Variants in KCNJ6 observed in about 807,000 individuals in gnomAD.
KCNJ6 encodes G protein-activated inward rectifier potassium channel 2.
A neutral mutation model predicts 34.2 loss-of-function variants in KCNJ6; 9 were observed. That is an observed-to-expected ratio of 0.26 (90% CI 0.16 to 0.46). The LOEUF is 0.46. Among genes scored for constraint, KCNJ6 ranks in the 20% least tolerant of loss-of-function variants. The probability of loss-of-function intolerance (pLI) is 1.00; values close to 1 mark genes in which losing one functional copy is unlikely to be tolerated. For missense variants in KCNJ6, 236 were observed against 531.3 expected (o/e 0.44, Z 5.46); for synonymous variants, 196 against 207.1 (o/e 0.95, Z 0.46).
At chr21:37,819,295 GTTGT>G (rs1483191009) in intron 2 of KCNJ6, among the ~76,000 whole-genome samples, 2 of 152,112 alleles carry the variant, frequency 1.3e-5, no homozygotes, top group Non-Finnish European at 2.9e-5. Context: ...ATTGTGCTAA[GTTGT>G]TTGTCATTTT....
At chr21:37,737,547 T>G (rs1161681582) in intron 2 of KCNJ6, among the ~76,000 whole-genome samples, 1 of 152,250 alleles carries the variant, frequency 6.6e-6, no homozygotes, top group Non-Finnish European at 1.5e-5. Flanking sequence ...TAGGCAGCTC[T>G]GATCATAATT....
chr21:37,762,516 T>A (rs1403311894), intron 2 of KCNJ6, among the ~76,000 whole-genome samples: 1 of 152,222 alleles, frequency 6.6e-6, no homozygotes, highest in African/African-American at 2.4e-5. Context: ...TGGAACTGCC[T>A]GCCAAGTTTG....
chr21:37,849,625 T>A (rs980057020), intron 1 of KCNJ6, among the ~76,000 whole-genome samples: 1 of 152,170 alleles, frequency 6.6e-6, no homozygotes, highest in Non-Finnish European at 1.5e-5. Flanking sequence ...TCCAGGCCCA[T>A]TGCTCATCAC....
intron 2 of KCNJ6, among the ~76,000 whole-genome samples, chr21:37,761,427 TGTG>T (rs2123495235): frequency 6.6e-6 from 1 of 150,594 alleles, no homozygotes; most frequent in Admixed American, 6.6e-5. Context: ...GTGTGTGTGT[TGTG>T]TTGTGTGTGT....
intron 1 of KCNJ6, among the ~76,000 whole-genome samples, chr21:37,893,873 A>G (rs1022149978): frequency 4.6e-5 from 7 of 152,338 alleles, no homozygotes; most frequent in African/African-American, 1.7e-4. Flanking sequence ...GAGAGATGCT[A>G]TAGACAGATA....
intron 2 of KCNJ6, among the ~76,000 whole-genome samples, chr21:37,725,693 A>G (rs867012127): frequency 1.3e-5 from 2 of 152,248 alleles, no homozygotes; most frequent in South Asian, 2.1e-4. Context: ...ACAAATATTC[A>G]TAAATTGTAT....
At chr21:37,881,988 A>AG (rs967205550) in intron 1 of KCNJ6, among the ~76,000 whole-genome samples, 3 of 152,268 alleles carry the variant, frequency 2.0e-5, no homozygotes, top group South Asian at 2.1e-4. Flanking sequence ...TAAACATTAT[A>AG]GGGCTTCTGT....
At chr21:37,860,075 A>T (rs564209799) in intron 1 of KCNJ6, among the ~76,000 whole-genome samples, 1 of 152,214 alleles carries the variant, frequency 6.6e-6, no homozygotes, top group Non-Finnish European at 1.5e-5. Flanking sequence ...CTGCAGGTGG[A>T]CAGGTCACCC....
intron 3 of KCNJ6, among the ~76,000 whole-genome samples, chr21:37,690,621 C>T (rs2054635172): frequency 3.9e-5 from 1 of 25,480 alleles, no homozygotes; most frequent in Non-Finnish European, 7.0e-5. Context: ...AACCATGACA[C>T]CTGGCTCAGT....
chr21:37,773,064 T>A (rs944837856), intron 2 of KCNJ6, among the ~76,000 whole-genome samples: 20 of 152,208 alleles, frequency 1.3e-4, no homozygotes, highest in African/African-American at 3.9e-4. Context: ...TCCAGGGCCT[T>A]CAGGGTGTCT....
intron 2 of KCNJ6, among the ~76,000 whole-genome samples, chr21:37,836,740 G>A (rs931304852): frequency 6.6e-6 from 1 of 152,098 alleles, no homozygotes; most frequent in African/African-American, 2.4e-5. Flanking sequence ...GGCCTGTCAG[G>A]GGTTGGGGGG....
rs995213100 is a variant in KCNJ6 at position 37,617,349 on chromosome 21, G to T, written c.*7810C>A. The T allele has an allele frequency of 6.6e-6, 1 of 152,036 alleles. No homozygotes were observed. Among genetic ancestry groups the T allele is most frequent in the Non-Finnish European group, 1.5e-5 (1 of 68,102 alleles). The allele number at this position is 152,036 out of a possible 1,614,324, so 9.4% of individuals were successfully genotyped here. ...TTCTTGTGCCTCAGCCTCCAGAGTA[G>T]CTGGGTGTACAGGCAGGAACTACCA... On this transcript the variant is annotated 3_prime_UTR_variant, in exon 4 of 4. Transcript: ENST00000609713.
chr21:37,861,795 C>T (rs980263517), intron 1 of KCNJ6, among the ~76,000 whole-genome samples: 2 of 152,184 alleles, frequency 1.3e-5, no homozygotes, highest in Non-Finnish European at 2.9e-5. Context: ...CACTCCGGGC[C>T]TTGGATTGTG....
intron 2 of KCNJ6, among the ~76,000 whole-genome samples, chr21:37,728,756 A>G (rs983446426): frequency 6.6e-6 from 1 of 152,008 alleles, no homozygotes. Flanking sequence ...ATGGAGAGAG[A>G]CGCTTCCATT....
At chr21:37,833,780 A>G (rs906977084) in intron 2 of KCNJ6, among the ~76,000 whole-genome samples, 15 of 152,206 alleles carry the variant, frequency 9.9e-5, no homozygotes, top group African/African-American at 3.6e-4. Flanking sequence ...CCTAGAGAGT[A>G]GGGAGTTCTT....
intron 2 of KCNJ6, among the ~76,000 whole-genome samples, chr21:37,728,710 A>ATG (rs1491139096): frequency 6.7e-6 from 1 of 148,276 alleles, no homozygotes; most frequent in Non-Finnish European, 1.5e-5. Flanking sequence ...ATATATATAT[A>ATG]TGTTTGAATT....
chr21:37,895,663 G>A (rs1021399266), intron 1 of KCNJ6, among the ~76,000 whole-genome samples: 2 of 152,250 alleles, frequency 1.3e-5, no homozygotes, highest in South Asian at 4.1e-4. Context: ...GAAGTACATT[G>A]TCCTGATTAC....
At position 37,617,116 on chromosome 21, in the gene KCNJ6, CTTCCTTCCTTCCTTCTTTCT is replaced by C. The variant is rs2054274084; in HGVS notation, c.*8023_*8042del. The stretch of plus-strand genomic sequence containing the variant: ...CTTTCTTTTCTTTCTTTCTTTCCTT[CTTCCTTCCTTCCTTCTTTCT>C]TTCCTTCCTTCCTTCCTTCTTTCTT... On this transcript the variant is annotated 3_prime_UTR_variant, in exon 4 of 4. Coordinates refer to ENST00000609713, the MANE Select transcript of KCNJ6 (RefSeq NM_002240.5). 8.6e-6 allele frequency: 1 copy of C among 116,378 alleles called. No individual in the cohort carries two copies. The highest frequency in any genetic ancestry group is 1.0e-4 in the Admixed American group (1 of 9,722). 7.2% of individuals were successfully genotyped at this position (116,378 alleles called of 1,614,324 possible).
At chr21:37,909,258 C>T (rs1050011412) in intron 1 of KCNJ6, among the ~76,000 whole-genome samples, 5 of 152,300 alleles carry the variant, frequency 3.3e-5, no homozygotes, top group South Asian at 2.1e-4. Context: ...CTAATTAATA[C>T]AGTATACACA....
Sources: allele counts gnomAD v4.1 joint callset (sites outside exome capture counted in the v4.1 genomes callset), GRCh38; gene constraint gnomAD v4.1.1; transcripts MANE v1.5; gene names NCBI Gene and HGNC (gene_info 2026-07-23, HGNC 2026-07-21).